Variants in TTF2 observed in about 807,000 individuals in gnomAD.
TTF2 encodes transcription termination factor 2.
In TTF2, 108 loss-of-function variants were observed where a neutral mutation model predicts 142.4. The observed-to-expected ratio is 0.76, with a 90% CI of 0.65 to 0.89. TTF2 has a LOEUF of 0.89. Ranked by LOEUF, TTF2 falls within the 40% of genes least tolerant of loss-of-function variation. The pLI is 0.00. For missense variants in TTF2, 1,327 were observed against 1,379.8 expected (o/e 0.96, Z 0.61); for synonymous variants, 483 against 506.2 (o/e 0.95, Z 0.61).
At chr1:117,094,060 A>C (rs1187892503) in intron 18 of TTF2, among the ~76,000 whole-genome samples, 1 of 152,222 alleles carries the variant, frequency 6.6e-6, no homozygotes, top group African/African-American at 2.4e-5. Context: ...TTGTTAACTA[A>C]ATAACAGATG....
intron 16 of TTF2, 92 bp downstream of exon 16, chr1:117,091,502 G>A (rs1648573092): frequency 7.5e-7 from 1 of 1,336,172 alleles, no homozygotes; most frequent in South Asian, 1.4e-5. Context: ...ATGAATCCTT[G>A]GTATCAGAGA....
At position 117,093,600 on chromosome 1, in the gene TTF2, CA is replaced by C. The variant is rs1208436934; in HGVS notation, c.2976+700del. Among the ~76,000 whole-genome samples the C allele has an allele frequency of 6.6e-6, 1 of 152,092 alleles. No homozygotes were observed. Among genetic ancestry groups the C allele is most frequent in the Non-Finnish European group, 1.5e-5 (1 of 68,020 alleles). On this transcript the variant is annotated intron_variant, in intron 18 of 22. Transcript: ENST00000369466. This position sits in a 1 kb window ranked among gnomAD's most constrained non-coding sequence, Gnocchi z 4.5. ...TATTAATAACTAGAAAGGTCACTTC[CA>C]GGGGAATGGCATTATTTTTTAAAAG...
At position 117,090,814 on chromosome 1, in the gene TTF2, A is replaced by G. The variant is rs946048766; in HGVS notation, c.2588+191A>G. 3.3e-5 allele frequency among the ~76,000 whole-genome samples: 5 copies of G among 151,630 alleles called. No homozygotes were observed. Among genetic ancestry groups the G allele is most frequent in the Admixed American group, 2.6e-4 (4 of 15,230 alleles). On this transcript the variant is annotated intron_variant, in intron 15 of 22. Coordinates refer to ENST00000369466, the MANE Select transcript of TTF2 (RefSeq NM_003594.4). The surrounding 1 kb of genome is among the most constrained non-coding windows in gnomAD (Gnocchi z 4.8). ...CAGCTTACCTCTGTCTCATACACAC[A>G]TGGAAGGCAAAATTTTGAACCTACT...
At position 117,090,982 on chromosome 1, in the gene TTF2, A is replaced by G. The variant is rs751859275; in HGVS notation, c.2589-346A>G. Among the ~76,000 whole-genome samples the G allele has an allele frequency of 5.9e-5, 9 of 152,176 alleles. No individual in the cohort carries two copies. Among genetic ancestry groups the G allele is most frequent in the Non-Finnish European group, 1.3e-4 (9 of 68,038 alleles). ...AGCATCTCACCGGAACTTTAAGAAG[A>G]TGACTTTGTAATCCTTTGTGTCATC... is the stretch of plus-strand genomic sequence containing the variant. On this transcript the variant is annotated intron_variant, in intron 15 of 22. Coordinates refer to ENST00000369466, the MANE Select transcript of TTF2 (RefSeq NM_003594.4). The surrounding 1 kb of genome is among the most constrained non-coding windows in gnomAD (Gnocchi z 4.8).
In TTF2 at chr1:117,078,010, G is replaced by C. The variant is rs141288830; in HGVS notation, c.1668G>C (p.Glu556Asp). The C allele has an allele frequency of 1.2e-6, 2 of 1,614,152 alleles. No individual in the cohort carries two copies. Among genetic ancestry groups the C allele is most frequent in the East Asian group, 2.2e-5 (1 of 44,882 alleles). The change falls in exon 8 of 23, where the codon GAG becomes GAC. Residue 556 changes from glutamate (E) to aspartate (D), a missense_variant. Transcript: ENST00000369466. ...GCTCACTTGAGTCATGTCCTGGTGA[G>C]ACGGTTGTGGCAGAAGATCCCGCCG... ...LHRSLESCPG[E>D]TVVAEDPAGL... is the part of the protein sequence containing the mutation.
Position 117,079,720 on chromosome 1 carries a change from T to TA in TTF2, c.1783+71_1783+72insA. On this transcript the variant is annotated intron_variant, in intron 9 of 22. Transcript: ENST00000369466. The surrounding 1 kb of genome is among the most constrained non-coding windows in gnomAD (Gnocchi z 4.2). ...ATTGTGCTAAACACGTAGTGTTGTT[T>TA]CATTTATTCCTCTCAAGAACTCTAT... 1 of 1,418,804 alleles carries TA rather than the reference T, an allele frequency of 7.0e-7. No individual in the cohort carries two copies. The allele number at this position is 1,418,804 out of a possible 1,614,324, so 87.9% of individuals were successfully genotyped here.
In TTF2 at chr1:117,093,957, A is replaced by G. The variant is rs1270629404; in HGVS notation, c.2976+1056A>G. On this transcript the variant is annotated intron_variant, in intron 18 of 22. Transcript: ENST00000369466. This position sits in a 1 kb window ranked among gnomAD's most constrained non-coding sequence, Gnocchi z 4.5. ...CAGCCCTCCTGCTGCAGTTTTCTCA[A>G]AACACCATGGCTAGCTTTTTCATGT... 6.6e-6 allele frequency among the ~76,000 whole-genome samples: 1 copy of G among 152,180 alleles called. No individual in the cohort carries two copies. The highest frequency in any genetic ancestry group is 2.4e-5 in the African/African-American group (1 of 41,444).
In TTF2 at chr1:117,061,103, C is replaced by T. The variant is rs535402836; in HGVS notation, c.131+546C>T. Among the ~76,000 whole-genome samples the T allele has an allele frequency of 4.6e-5, 7 of 152,152 alleles. No homozygotes were observed. The East Asian group carries it at 1.2e-3, about 25-fold the overall frequency. ...AAGAAATTAGCGCTGGAAGAAACAA[C>T]GGAGGGCCTGGCGCGGTGTGTGACG... is the stretch of plus-strand genomic sequence containing the variant. On this transcript the variant is annotated intron_variant, in intron 2 of 22. Coordinates refer to ENST00000369466, the MANE Select transcript of TTF2 (RefSeq NM_003594.4).
intron 3 of TTF2, among the ~76,000 whole-genome samples, chr1:117,072,518 G>A (rs536759016): frequency 9.2e-5 from 13 of 140,554 alleles, no homozygotes; most frequent in South Asian, 2.4e-4. Flanking sequence ...TACGCCTCCC[G>A]GGTTCAAGCG....
In TTF2 at chr1:117,087,441, G is replaced by A. The variant is rs954814949; in HGVS notation, c.2160+919G>A. Reference sequence around the variant, plus strand: ...CAAGTAGCTGGGATAACAGGTGCCCGCCACTATGCTCGGCTAATTTTTTGT... The same window carrying A: ...CAAGTAGCTGGGATAACAGGTGCCCACCACTATGCTCGGCTAATTTTTTGT... On this transcript the variant is annotated intron_variant, in intron 12 of 22. Coordinates refer to ENST00000369466, the MANE Select transcript of TTF2 (RefSeq NM_003594.4). The surrounding 1 kb of genome is among the most constrained non-coding windows in gnomAD (Gnocchi z 4.8). Among the ~76,000 whole-genome samples the A allele has an allele frequency of 1.6e-4, 25 of 152,130 alleles. No homozygotes were observed. Among genetic ancestry groups the A allele is most frequent in the East Asian group, 1.9e-4 (1 of 5,194 alleles).
rs2801936 is a variant in TTF2, at chr1:117,087,512, C to T, written c.2160+990C>T. Among the ~76,000 whole-genome samples, 81,363 of 151,944 alleles carry T rather than the reference C, an allele frequency of 0.54. 24,289 individuals carry two copies. The highest frequency in any genetic ancestry group is 0.74 in the East Asian group (3,829 of 5,150). ...TTCGCCATGTTGGCCAGGCTGGTCT[C>T]GAATTCCTGACCTCAAGTGATCCAC... On this transcript the variant is annotated intron_variant, in intron 12 of 22. Transcript: ENST00000369466. The surrounding 1 kb of genome is among the most constrained non-coding windows in gnomAD (Gnocchi z 4.8).
At chr1:117,083,017 C>T (rs1008680564) in intron 10 of TTF2, among the ~76,000 whole-genome samples, 10 of 151,806 alleles carry the variant, frequency 6.6e-5, no homozygotes, top group South Asian at 2.1e-4. Flanking sequence ...CTGAGGTGGG[C>T]GGATAACAAG....
At position 117,070,343 on chromosome 1, in the gene TTF2, C is replaced by G. The variant is rs1361807541; in HGVS notation, c.219-3318C>G. Among the ~76,000 whole-genome samples, 1 of 152,256 alleles carries G rather than the reference C, an allele frequency of 6.6e-6. No homozygotes were observed. Among genetic ancestry groups the G allele is most frequent in the Admixed American group, 6.5e-5 (1 of 15,284 alleles). ...CAAACCTACTTGGTATAGCCTAATA[C>G]ATACCTAGGTTACAGAACTGTACAG... On this transcript the variant is annotated intron_variant, in intron 3 of 22. Transcript: ENST00000369466. This position sits in a 1 kb window ranked among gnomAD's most constrained non-coding sequence, Gnocchi z 4.2.
In TTF2 at chr1:117,073,615, A is replaced by G. The variant is rs2101402553; in HGVS notation, c.219-46A>G. On this transcript the variant is annotated intron_variant, in intron 3 of 22. Transcript: ENST00000369466. The surrounding 1 kb of genome is among the most constrained non-coding windows in gnomAD (Gnocchi z 4.4). The stretch of plus-strand genomic sequence containing the variant: ...TAAAAATAAGCTTATCTCTTGTTCT[A>G]ATGGATTTTCATAGCCTTGATTATT... The G allele has an allele frequency of 2.6e-6, 4 of 1,546,842 alleles. No individual in the cohort carries two copies. Among genetic ancestry groups the G allele is most frequent in the Admixed American group, 1.7e-5 (1 of 57,916 alleles).
rs190558410 is a variant in TTF2, at chr1:117,070,662, T to C, written c.219-2999T>C. 7.2e-5 allele frequency among the ~76,000 whole-genome samples: 11 copies of C among 152,376 alleles called. No individual in the cohort carries two copies. The highest frequency in any genetic ancestry group is 3.3e-4 in the Admixed American group (5 of 15,310). The stretch of plus-strand genomic sequence containing the variant: ...ATGGCAGCTGTTACTTTGAATTTTA[T>C]GCATTCAAAGCATTTCAGAAATTGT... On this transcript the variant is annotated intron_variant, in intron 3 of 22. Transcript: ENST00000369466. This position sits in a 1 kb window ranked among gnomAD's most constrained non-coding sequence, Gnocchi z 4.2.
rs753876247 is a variant in TTF2, at chr1:117,087,453, G to A, written c.2160+931G>A. Among the ~76,000 whole-genome samples the A allele has an allele frequency of 6.6e-6, 1 of 152,070 alleles. No individual in the cohort carries two copies. The highest frequency in any genetic ancestry group is 2.1e-4 in the South Asian group (1 of 4,824). On this transcript the variant is annotated intron_variant, in intron 12 of 22. Transcript: ENST00000369466. The surrounding 1 kb of genome is among the most constrained non-coding windows in gnomAD (Gnocchi z 4.8). ...ATAACAGGTGCCCGCCACTATGCTC[G>A]GCTAATTTTTTGTATTTTTAGTAGA...
Position 117,076,850 on chromosome 1 carries a change from G to A in TTF2, c.1573+27G>A. ...TAAGACCCAAGGGCCTGACCCTGCT[G>A]TGAATAGCCACCCCTGTGAGTTACG... is the stretch of plus-strand genomic sequence containing the variant. On this transcript the variant is annotated intron_variant, in intron 7 of 22. Coordinates refer to ENST00000369466, the MANE Select transcript of TTF2 (RefSeq NM_003594.4). The surrounding 1 kb of genome is among the most constrained non-coding windows in gnomAD (Gnocchi z 4.6). 1.3e-6 allele frequency: 2 copies of A among 1,582,456 alleles called. No homozygotes were observed. The highest frequency in any genetic ancestry group is 8.6e-7 in the Non-Finnish European group (1 of 1,162,652).
intron 13 of TTF2, among the ~76,000 whole-genome samples, chr1:117,089,233 T>C (rs996267155): frequency 1.4e-5 from 2 of 140,606 alleles, no homozygotes; most frequent in Non-Finnish European, 3.1e-5. Context: ...ATATGCAAAA[T>C]ATATGCAAAA....
intron 21 of TTF2, 161 bp from the exon 22 acceptor site, chr1:117,098,672 T>C: frequency 1.7e-6 from 1 of 595,452 alleles, no homozygotes; most frequent in African/African-American, 1.9e-5. Flanking sequence ...GATGTGTGTG[T>C]TTTGTTTTGC....
Sources: allele counts gnomAD v4.1 joint callset (sites outside exome capture counted in the v4.1 genomes callset), GRCh38; gene constraint gnomAD v4.1.1; non-coding constraint Gnocchi (gnomAD v3.1); transcripts MANE v1.5; gene names NCBI Gene and HGNC (gene_info 2026-07-23, HGNC 2026-07-21).